The following NCOR2 variants were observed in gnomAD, a reference collection of about 807,000 sequenced individuals.
NCOR2 encodes CTG repeat protein 26.
NCOR2 carries 81 observed loss-of-function variants against 262.9 expected under a neutral mutation model. The observed-to-expected ratio is 0.31, with a 90% CI of 0.26 to 0.37. NCOR2 has a LOEUF of 0.37. NCOR2 is among the 10% of genes least tolerant of loss of function. The pLI, the probability that NCOR2 is intolerant of heterozygous loss-of-function variation, is 1.00. For synonymous variants in NCOR2, 1,659 were observed against 1,559.3 expected (o/e 1.06, Z -1.51); for missense variants, 3,385 against 3,621.4 (o/e 0.93, Z 1.68).
At chr12:124,343,177 C>G in exon 33 of NCOR2, 1 of 1,609,342 alleles carries the variant, frequency 6.2e-7, no homozygotes, top group Non-Finnish European at 8.5e-7. Flanking sequence ...TCTCACGAGG[C>G]GTCGACGTCA....
chr12:124,333,117 C>A lies in NCOR2; in HGVS notation c.6755+13G>T. The A allele has an allele frequency of 6.3e-7, 1 of 1,591,878 alleles. No homozygotes were observed. On this transcript the variant is annotated intron_variant, in intron 42 of 46. Coordinates refer to ENST00000405201, the Ensembl canonical transcript of NCOR2. ...GAGCATCCCGGGGGCAGCGCATGTG[C>A]CCACAGAAGTACCTGGGCTCCGTCT...
At chr12:124,366,959 A>G (rs2039086700) in intron 20 of NCOR2, among the ~76,000 whole-genome samples, 3 of 151,768 alleles carry the variant, frequency 2.0e-5, no homozygotes, top group Admixed American at 1.3e-4. Context: ...GAACAGTAAA[A>G]ATAATATTTT....
intron 9 of NCOR2, among the ~76,000 whole-genome samples, chr12:124,430,254 C>T (rs1378183369): frequency 6.6e-6 from 1 of 152,210 alleles, no homozygotes; most frequent in Non-Finnish European, 1.5e-5. Context: ...TCCTCACAGC[C>T]ACTGGGGGAG....
At chr12:124,487,362 G>A (rs985846359) in intron 1 of NCOR2, among the ~76,000 whole-genome samples, 2 of 152,232 alleles carry the variant, frequency 1.3e-5, no homozygotes, top group Non-Finnish European at 2.9e-5. Context: ...CTCCCCGCTC[G>A]TATCACAGCC....
At chr12:124,514,325 T>C in intron 1 of NCOR2, 1 of 152,222 alleles carries the variant, frequency 6.6e-6, no homozygotes, top group Non-Finnish European at 1.5e-5. Flanking sequence ...TCCAGAACTG[T>C]GAGCAATAAA....
In NCOR2 at chr12:124,385,736, G is replaced by A. The variant is rs1338155062; in HGVS notation, c.2019+9C>T. 6.2e-7 allele frequency: 1 copy of A among 1,613,158 alleles called. No individual in the cohort carries two copies. The highest frequency in any genetic ancestry group is 8.5e-7 in the Non-Finnish European group (1 of 1,179,708). ...CCAGAGGCGCGGTGCAGCGTGACTG[G>A]GGGCTCACCATCTTCAGCTTGTGCT... On this transcript the variant is annotated intron_variant, in intron 17 of 46. Transcript: ENST00000405201.
intron 20 of NCOR2, among the ~76,000 whole-genome samples, chr12:124,365,936 C>T (rs1345174911): frequency 1.3e-5 from 2 of 152,154 alleles, no homozygotes; most frequent in African/African-American, 4.8e-5. Flanking sequence ...CAACTGCCGC[C>T]ACCCCTATGT....
rs1465104558 is a variant in NCOR2, at chr12:124,549,057, C to T, written c.-164-13446G>A. Among the ~76,000 whole-genome samples the T allele has an allele frequency of 1.3e-5, 2 of 152,024 alleles. No individual in the cohort carries two copies. Among genetic ancestry groups the T allele is most frequent in the African/African-American group, 4.8e-5 (2 of 41,344 alleles). On this transcript the variant is annotated intron_variant, in intron 1 of 32. Transcript: ENST00000458234. This position sits in a 1 kb window ranked among gnomAD's most constrained non-coding sequence, Gnocchi z 4.4. ...CTGTATTAAGGAGGAATTTCATTGC[C>T]CAGGAGTAGAGGGGATTTCCCAAGT...
chr12:124,409,237 C>T (rs1377926039), intron 13 of NCOR2, among the ~76,000 whole-genome samples: 1 of 152,266 alleles, frequency 6.6e-6, no homozygotes, highest in East Asian at 1.9e-4. Flanking sequence ...AGTCCCTGCT[C>T]CTGCTCTGAG....
chr12:124,434,994 G>A (rs956129799), intron 8 of NCOR2, among the ~76,000 whole-genome samples: 5 of 152,138 alleles, frequency 3.3e-5, no homozygotes, highest in African/African-American at 9.7e-5. Flanking sequence ...CACTGCATTC[G>A]GAATAAAACC....
At chr12:124,525,021 A>C (rs2050389611) in intron 1 of NCOR2, among the ~76,000 whole-genome samples, 1 of 152,258 alleles carries the variant, frequency 6.6e-6, no homozygotes, top group South Asian at 2.1e-4. Context: ...ATGGAGCAAA[A>C]GAACAAAAGG....
At chr12:124,519,621 T>C (rs1165688380) in intron 1 of NCOR2, among the ~76,000 whole-genome samples, 1 of 151,928 alleles carries the variant, frequency 6.6e-6, no homozygotes, top group African/African-American at 2.4e-5. Flanking sequence ...GGGGAAGTGG[T>C]CAGATGGACT....
At position 124,504,975 on chromosome 12, in the gene NCOR2, A is replaced by C. The variant is rs955819578; in HGVS notation, c.-117-9607T>G. ...GAGGTGGTGGTTGCACAACCCGTGA[A>C]TGTCCTAAATGCAAACTAATTGTTC... On this transcript the variant is annotated intron_variant, in intron 1 of 46. Transcript: ENST00000404621. This position sits in a 1 kb window ranked among gnomAD's most constrained non-coding sequence, Gnocchi z 4.5. Among the ~76,000 whole-genome samples, 1 of 152,216 alleles carries C rather than the reference A, an allele frequency of 6.6e-6. No individual in the cohort carries two copies. Among genetic ancestry groups the C allele is most frequent in the African/African-American group, 2.4e-5 (1 of 41,460 alleles).
upstream of NCOR2, among the ~76,000 whole-genome samples, chr12:124,498,619 A>C (rs966937388): frequency 1.3e-5 from 2 of 152,226 alleles, no homozygotes; most frequent in Admixed American, 1.3e-4. Flanking sequence ...CGGTTCCTCA[A>C]AAATTTAAAC....
chr12:124,344,825 C>A, exon 32 of NCOR2: 1 of 1,557,300 alleles, frequency 6.4e-7, no homozygotes, highest in Non-Finnish European at 8.7e-7. Context: ...AGTGCCCGGG[C>A]GTCGGCCATC....
intron 4 of NCOR2, among the ~76,000 whole-genome samples, chr12:124,470,398 C>G (rs749493957): frequency 6.6e-6 from 1 of 152,190 alleles, no homozygotes; most frequent in Non-Finnish European, 1.5e-5. Context: ...ACAAAAACTT[C>G]AACACAAATG....
chr12:124,382,973 C>T (rs1276888467), intron 17 of NCOR2, among the ~76,000 whole-genome samples: 1 of 152,182 alleles, frequency 6.6e-6, no homozygotes, highest in Non-Finnish European at 1.5e-5. Context: ...AGCTGGGGTA[C>T]AAAGCCACCA....
chr12:124,432,705 AG>A lies in NCOR2; in HGVS notation c.883-1919del, dbSNP rs1272061040. On this transcript the variant is annotated intron_variant, in intron 8 of 46. Transcript: ENST00000405201. The surrounding 1 kb of genome is among the most constrained non-coding windows in gnomAD (Gnocchi z 5.1). ...GTGAGGACCCCAGCAGCTCCCAGAGAGGGGGCTCTGCCTTCCCTCCAAGACA... is the reference window on the plus strand; with the variant it reads ...GTGAGGACCCCAGCAGCTCCCAGAGAGGGGCTCTGCCTTCCCTCCAAGACA... Among the ~76,000 whole-genome samples, 2 of 152,142 alleles carry A rather than the reference AG, an allele frequency of 1.3e-5. No homozygotes were observed. The highest frequency in any genetic ancestry group is 1.9e-4 in the East Asian group (1 of 5,174).
intron 7 of NCOR2, among the ~76,000 whole-genome samples, chr12:124,447,331 A>C (rs1456638753): frequency 2.0e-5 from 3 of 152,256 alleles, no homozygotes; most frequent in Non-Finnish European, 4.4e-5. Flanking sequence ...TCATTCTCTG[A>C]GGAAGATTAT....
Sources: gnomAD v4.1 joint callset for allele counts (sites outside exome capture counted in the v4.1 genomes callset) on GRCh38, gnomAD v4.1.1 for gene constraint, Gnocchi (gnomAD v3.1) non-coding constraint, MANE v1.5 for transcripts, NCBI Gene and HGNC (gene_info 2026-07-23, HGNC 2026-07-21) for gene names.